The following RGS9 variants were observed in gnomAD, a reference collection of about 807,000 sequenced individuals.
The protein encoded by RGS9 is regulator of G-protein signalling 9.
RGS9 carries 78 observed loss-of-function variants against 102.0 expected under a neutral mutation model. That is an observed-to-expected ratio of 0.76 (90% CI 0.64 to 0.92). The LOEUF (loss-of-function observed/expected upper bound fraction) is 0.92. Among genes scored for constraint, RGS9 ranks in the 40% least tolerant of loss-of-function variants. The pLI is 0.00. For synonymous variants in RGS9, 353 were observed against 318.6 expected (o/e 1.11, Z -1.15); for missense variants, 833 against 866.1 (o/e 0.96, Z 0.48).
At chr17:65,226,473 T>C (rs1224884662) in intron 18 of RGS9, among the ~76,000 whole-genome samples, 2 of 152,130 alleles carry the variant, frequency 1.3e-5, no homozygotes, top group African/African-American at 4.8e-5. Context: ...AGTGTGTCTA[T>C]TGATTTTTCC....
chr17:65,170,961 G>T (rs1360944476), intron 8 of RGS9, among the ~76,000 whole-genome samples: 1 of 152,180 alleles, frequency 6.6e-6, no homozygotes, highest in Non-Finnish European at 1.5e-5. Context: ...TGAGCAATCT[G>T]ACTGACAGGC....
chr17:65,179,682 T>TGTGTGTGTGTGTG (rs1911784767), intron 9 of RGS9, among the ~76,000 whole-genome samples: 4 of 125,480 alleles, frequency 3.2e-5, no homozygotes, highest in African/African-American at 1.3e-4. Flanking sequence ...TGTGTGTGTG[T>TGTGTGTGTGTGTG]TGGGGGTGGT....
rs555426342 is a variant in RGS9, at chr17:65,205,291, C to A, written c.1203+990C>A. Among the ~76,000 whole-genome samples, 7 of 152,110 alleles carry A rather than the reference C, an allele frequency of 4.6e-5. No homozygotes were observed. In the East Asian group the frequency reaches 1.4e-3, roughly 29 times the overall value. Reference sequence around the variant, plus strand: ...ATTATGGCAATGATTTCTTTAAGGGCAAAGTATCTTTATAGGATATAGGTT... The same window carrying A: ...ATTATGGCAATGATTTCTTTAAGGGAAAAGTATCTTTATAGGATATAGGTT... On this transcript the variant is annotated intron_variant, in intron 15 of 18. Coordinates refer to ENST00000262406, the MANE Select transcript of RGS9 (RefSeq NM_003835.4).
intron 17 of RGS9, among the ~76,000 whole-genome samples, chr17:65,216,209 G>C (rs1212854299): frequency 6.6e-6 from 1 of 152,186 alleles, no homozygotes; most frequent in Admixed American, 6.5e-5. Flanking sequence ...ACTAATTTTA[G>C]ACAGTAGTTT....
At chr17:65,202,444 T>TGTGTGTGTGTGTGTGAGAGAGA (rs3838367) in intron 14 of RGS9, among the ~76,000 whole-genome samples, 2 of 131,708 alleles carry the variant, frequency 1.5e-5, no homozygotes, top group African/African-American at 3.1e-5. Flanking sequence ...TGTGTGTGTG[T>TGTGTGTGTGTGTGTGAGAGAGA]GAGAGAGAGA....
Position 65,189,144 on chromosome 17 carries a change from A to G in RGS9, c.655-142A>G. On this transcript the variant is annotated intron_variant, in intron 9 of 18. Transcript: ENST00000262406. ...TTACATAGAATAGAGTGGAGGCAGT[A>G]GACATGGAGAAATCCTATCTTTTAA... 5.7e-6 allele frequency: 4 copies of G among 698,564 alleles called. No individual in the cohort carries two copies. In the South Asian group the frequency reaches 6.5e-5, roughly 11 times the overall value. The allele number at this position is 698,564 out of a possible 1,614,324, so 43.3% of individuals were successfully genotyped here.
At chr17:65,216,213 G>A (rs1321629796) in intron 17 of RGS9, among the ~76,000 whole-genome samples, 1 of 152,228 alleles carries the variant, frequency 6.6e-6, no homozygotes, top group African/African-American at 2.4e-5. Flanking sequence ...ATTTTAGACA[G>A]TAGTTTGTAC....
Position 65,177,814 on chromosome 17 carries a change from G to A in RGS9, c.654+11G>A, listed in dbSNP as rs920923887. On this transcript the variant is annotated intron_variant, in intron 9 of 18. Transcript: ENST00000262406. ...GTCAAGGTAAACCAGGTATGTCTCT[G>A]CTGCATAGTTTGGGTAGGGCCTAGG... is the stretch of plus-strand genomic sequence containing the variant. The A allele has an allele frequency of 6.2e-7, 1 of 1,613,150 alleles. No individual in the cohort carries two copies. Among genetic ancestry groups the A allele is most frequent in the African/African-American group, 1.3e-5 (1 of 74,926 alleles).
intron 17 of RGS9, 111 bp downstream of exon 17, chr17:65,210,716 G>A: frequency 6.5e-7 from 1 of 1,547,908 alleles, no homozygotes; most frequent in South Asian, 1.2e-5. Context: ...AATGAAGAAG[G>A]GTAGGGTCAG....
intron 1 of RGS9, among the ~76,000 whole-genome samples, 167 bp from the exon 2 acceptor site, chr17:65,153,255 T>A (rs1910646973): frequency 6.6e-6 from 1 of 152,224 alleles, no homozygotes; most frequent in African/African-American, 2.4e-5. Flanking sequence ...CACACCTTAG[T>A]CCTGGTTGCA....
chr17:65,168,708 C>G (rs897997064), intron 8 of RGS9, among the ~76,000 whole-genome samples: 1 of 152,040 alleles, frequency 6.6e-6, no homozygotes, highest in African/African-American at 2.4e-5. Flanking sequence ...GTCTCTAGCT[C>G]CCTCACTTTT....
chr17:65,192,742 C>T (rs76159654), intron 11 of RGS9, among the ~76,000 whole-genome samples: 2,816 of 152,102 alleles, frequency 0.019, 82 homozygotes, highest in African/African-American at 0.064. Flanking sequence ...GCTCTTCCTC[C>T]AAATAGTGTG....
intron 17 of RGS9, among the ~76,000 whole-genome samples, chr17:65,220,493 A>G (rs55847515): frequency 0.095 from 14,422 of 152,126 alleles, 1,581 homozygotes; most frequent in African/African-American, 0.26. Context: ...GTCAAATGGG[A>G]TGACCAGTAT....
chr17:65,163,971 G>A (rs181388879), intron 7 of RGS9, among the ~76,000 whole-genome samples: 73 of 152,328 alleles, frequency 4.8e-4, no homozygotes, highest in African/African-American at 1.7e-3. Flanking sequence ...AGATTGTCAT[G>A]TTAGAACCAC....
intron 11 of RGS9, among the ~76,000 whole-genome samples, chr17:65,191,965 C>T (rs1197266177): frequency 6.6e-6 from 1 of 152,140 alleles, no homozygotes; most frequent in East Asian, 1.9e-4. Flanking sequence ...GACACAATTC[C>T]CCACCTACGG....
At chr17:65,148,128 C>A (rs1254160310) in intron 1 of RGS9, among the ~76,000 whole-genome samples, 6 of 152,238 alleles carry the variant, frequency 3.9e-5, no homozygotes, top group Non-Finnish European at 7.3e-5. Flanking sequence ...ATCTATGAAT[C>A]TGTCTATTCT....
At chr17:65,196,520 A>G (rs1410454553) in intron 12 of RGS9, among the ~76,000 whole-genome samples, 2 of 152,234 alleles carry the variant, frequency 1.3e-5, no homozygotes, top group African/African-American at 4.8e-5. Context: ...GGATCAGGGA[A>G]ATCTTTCCAA....
intron 1 of RGS9, among the ~76,000 whole-genome samples, chr17:65,152,139 G>T (rs1910602328): frequency 6.6e-6 from 1 of 152,332 alleles, no homozygotes; most frequent in South Asian, 2.1e-4. Context: ...GTCAGGGTGG[G>T]CCTCCTGAGA....
chr17:65,160,629 C>T lies in RGS9; in HGVS notation c.364+42C>T, dbSNP rs146037432. 169 of 1,598,600 alleles carry T rather than the reference C, an allele frequency of 1.1e-4. 1 individual carries two copies. The African/African-American group carries it at 2.0e-3, about 19-fold the overall frequency. On this transcript the variant is annotated intron_variant, in intron 5 of 18. Coordinates refer to ENST00000262406, the MANE Select transcript of RGS9 (RefSeq NM_003835.4). The stretch of plus-strand genomic sequence containing the variant: ...CAACTATGCCTTTGGTAGTGCTTAA[C>T]ATGCTGCTTATTTACTTGCTGCACT...
Sources: gnomAD v4.1 joint callset for allele counts (sites outside exome capture counted in the v4.1 genomes callset) on GRCh38, gnomAD v4.1.1 for gene constraint, MANE v1.5 for transcripts, NCBI Gene and HGNC (gene_info 2026-07-23, HGNC 2026-07-21) for gene names.